Variants in TIGAR observed in about 807,000 individuals in gnomAD.
TIGAR encodes fructose-2,6-bisphosphatase TIGAR.
In TIGAR, 7 loss-of-function variants were observed where a neutral mutation model predicts 17.9. The observed-to-expected ratio is 0.39, with a 90% CI of 0.22 to 0.73. The LOEUF (loss-of-function observed/expected upper bound fraction) is 0.73, where lower values mean the gene tolerates loss of function less well. TIGAR is among the 30% of genes least tolerant of loss of function. The probability of loss-of-function intolerance (pLI) is 0.42; values close to 1 mark genes in which losing one functional copy is unlikely to be tolerated. For synonymous variants in TIGAR, 94 were observed against 108.6 expected (o/e 0.87, Z 0.84); for missense variants, 258 against 327.4 (o/e 0.79, Z 1.64).
At position 4,324,942 on chromosome 12, in the gene TIGAR, C is replaced by CTTTT. The variant is rs35996093; in HGVS notation, c.32+3650_32+3653dup. 66 of 190,532 alleles carry CTTTT rather than the reference C, an allele frequency of 3.5e-4. 1 individual carries two copies. The highest frequency in any genetic ancestry group is 7.0e-4 in the African/African-American group (28 of 40,078). The allele number at this position is 190,532 out of a possible 1,614,324, so 11.8% of individuals were successfully genotyped here. On this transcript the variant is annotated intron_variant, in intron 1 of 5. Transcript: ENST00000179259. ...AATTAGTAAAGTTTTTTTGTTTTTG[C>CTTTT]TTTTTTTTTTTTTTGACGAAACGGA...
intron 3 of TIGAR, among the ~76,000 whole-genome samples, chr12:4,343,462 A>G (rs1250829764): frequency 6.6e-6 from 1 of 152,228 alleles, no homozygotes; most frequent in Non-Finnish European, 1.5e-5. Context: ...ACTTATTCCA[A>G]AATTGACCAC....
At chr12:4,325,923 CCTT>C (rs1260578354) in intron 1 of TIGAR, among the ~76,000 whole-genome samples, 4 of 152,124 alleles carry the variant, frequency 2.6e-5, no homozygotes, top group African/African-American at 7.2e-5. Flanking sequence ...ATTTGTTCCT[CCTT>C]TGTAGCACGC....
intron 1 of TIGAR, among the ~76,000 whole-genome samples, chr12:4,330,996 C>G (rs905174165): frequency 6.6e-6 from 1 of 152,090 alleles, no homozygotes; most frequent in East Asian, 1.9e-4. Context: ...ATGTTATTTG[C>G]ATTATATTTT....
At chr12:4,349,094 T>A (rs1864810443) in intron 3 of TIGAR, among the ~76,000 whole-genome samples, 1 of 152,128 alleles carries the variant, frequency 6.6e-6, no homozygotes, top group South Asian at 2.1e-4. Flanking sequence ...AATTAAGGAA[T>A]TAGAATGGGG....
chr12:4,358,040 C>T lies in TIGAR; in HGVS notation c.*5349C>T, dbSNP rs1370808747. 6.7e-6 allele frequency among the ~76,000 whole-genome samples: 1 copy of T among 148,874 alleles called. No individual in the cohort carries two copies. Among genetic ancestry groups the T allele is most frequent in the Non-Finnish European group, 1.5e-5 (1 of 67,670 alleles). Reference sequence around the variant, plus strand: ...AATGGCGTGAACCCGGGAGGTGGAGCTTGCAGTGAGCCAAGGTCGCGCCAC... The same window carrying T: ...AATGGCGTGAACCCGGGAGGTGGAGTTTGCAGTGAGCCAAGGTCGCGCCAC... On this transcript the variant is annotated 3_prime_UTR_variant, in exon 6 of 6. Transcript: ENST00000179259.
rs1367326104 is a variant in TIGAR at position 4,352,791 on chromosome 12, T to G, written c.*100T>G. 2.7e-5 allele frequency: 32 copies of G among 1,200,462 alleles called. No homozygotes were observed. Among genetic ancestry groups the G allele is most frequent in the Non-Finnish European group, 3.4e-6 (3 of 877,274 alleles). 74.4% of individuals were successfully genotyped at this position (1,200,462 alleles called of 1,614,324 possible). A position where few individuals can be genotyped will look rare whatever the true frequency, so the allele number is the denominator to read the frequency against. On this transcript the variant is annotated 3_prime_UTR_variant, in exon 6 of 6. Coordinates refer to ENST00000179259, the MANE Select transcript of TIGAR (RefSeq NM_020375.3). The stretch of plus-strand genomic sequence containing the variant: ...TCTGCTAGTTCTGATTTGGAAACAG[T>G]TAAAAGCCAATTTTTAGCTCCAGTG...
rs750562779 is a variant in TIGAR, at chr12:4,321,269, A to G, written c.-3A>G. ...GCCACCGACGGGACGCGGCTCCGGG[A>G]ACATGGCTCGCTTCGCTCTGACTGT... On this transcript the variant is annotated 5_prime_UTR_variant, in exon 1 of 6. Transcript: ENST00000179259. This position sits in a 1 kb window ranked among gnomAD's most constrained non-coding sequence, Gnocchi z 5.2. The G allele has an allele frequency of 6.2e-7, 1 of 1,601,120 alleles. No homozygotes were observed. Among genetic ancestry groups the G allele is most frequent in the South Asian group, 1.1e-5 (1 of 91,082 alleles).
chr12:4,343,738 A>T (rs1864749751), intron 3 of TIGAR, among the ~76,000 whole-genome samples: 1 of 152,246 alleles, frequency 6.6e-6, no homozygotes, highest in African/African-American at 2.4e-5. Context: ...CAGTGTGTAG[A>T]GGGAAATTTA....
intron 2 of TIGAR, among the ~76,000 whole-genome samples, chr12:4,332,238 C>CTTTTCTTTTTT (rs1555092397): frequency 2.8e-4 from 27 of 95,334 alleles, no homozygotes; most frequent in African/African-American, 1.1e-3. Context: ...TCATGTATTT[C>CTTTTCTTTTTT]TTTTTTTTTT....
At chr12:4,323,159 G>GA (rs896094066) in intron 1 of TIGAR, among the ~76,000 whole-genome samples, 2 of 66,540 alleles carry the variant, frequency 3.0e-5, no homozygotes, top group Non-Finnish European at 7.9e-5. Context: ...CTAGCTAATA[G>GA]GGAGGCTGAG....
chr12:4,329,983 G>A lies in TIGAR; in HGVS notation c.33-1297G>A, dbSNP rs149136704. On this transcript the variant is annotated intron_variant, in intron 1 of 5. Coordinates refer to ENST00000179259, the MANE Select transcript of TIGAR (RefSeq NM_020375.3). ...GTAGGTAGATGGGGAATGGTACTGG[G>A]GAGGGAGACTACCTAAAAGAACCAG... 8.5e-4 allele frequency among the ~76,000 whole-genome samples: 130 copies of A among 152,266 alleles called. 1 individual carries two copies. The highest frequency in any genetic ancestry group is 3.1e-3 in the African/African-American group (127 of 41,548).
intron 4 of TIGAR, among the ~76,000 whole-genome samples, 199 bp downstream of exon 4, chr12:4,350,095 T>A (rs1274900247): frequency 6.6e-6 from 1 of 152,166 alleles, no homozygotes; most frequent in Non-Finnish European, 1.5e-5. Context: ...GAGACAAGCA[T>A]CTTAAGGTAT....
At position 4,358,049 on chromosome 12, in the gene TIGAR, A is replaced by C. The variant is rs1864928138; in HGVS notation, c.*5358A>C. Among the ~76,000 whole-genome samples, 1 of 148,830 alleles carries C rather than the reference A, an allele frequency of 6.7e-6. No homozygotes were observed. The highest frequency in any genetic ancestry group is 1.5e-5 in the Non-Finnish European group (1 of 67,662). ...AACCCGGGAGGTGGAGCTTGCAGTGAGCCAAGGTCGCGCCACTGCACTGCA... is the reference window on the plus strand; with the variant it reads ...AACCCGGGAGGTGGAGCTTGCAGTGCGCCAAGGTCGCGCCACTGCACTGCA... On this transcript the variant is annotated 3_prime_UTR_variant, in exon 6 of 6. Transcript: ENST00000179259.
intron 3 of TIGAR, among the ~76,000 whole-genome samples, chr12:4,341,617 C>T (rs949284331): frequency 6.6e-6 from 1 of 152,174 alleles, no homozygotes; most frequent in African/African-American, 2.4e-5. Flanking sequence ...CTGCTGATAC[C>T]CAGGCAAACA....
Position 4,357,947 on chromosome 12 carries a change from A to G in TIGAR, c.*5256A>G, listed in dbSNP as rs1864925650. Reference sequence around the variant, plus strand: ...TGAAACCTCGTCTCCACTGAAAAATAGAAAAAATTAGCCAGGCCTGGTGGC... The same window carrying G: ...TGAAACCTCGTCTCCACTGAAAAATGGAAAAAATTAGCCAGGCCTGGTGGC... On this transcript the variant is annotated 3_prime_UTR_variant, in exon 6 of 6. Coordinates refer to ENST00000179259, the MANE Select transcript of TIGAR (RefSeq NM_020375.3). Among the ~76,000 whole-genome samples, 1 of 151,682 alleles carries G rather than the reference A, an allele frequency of 6.6e-6. No individual in the cohort carries two copies. The highest frequency in any genetic ancestry group is 1.9e-4 in the East Asian group (1 of 5,146).
Position 4,359,132 on chromosome 12 carries a change from C to A in TIGAR, c.*6441C>A, listed in dbSNP as rs528297497. On this transcript the variant is annotated 3_prime_UTR_variant, in exon 6 of 6. Coordinates refer to ENST00000179259, the MANE Select transcript of TIGAR (RefSeq NM_020375.3). ...GTTTTTTTTTTCTTTAGCCAACTCA[C>A]GCCATGACTCTACTTTTGCTTCTAT... Among the ~76,000 whole-genome samples the A allele has an allele frequency of 7.4e-4, 112 of 151,236 alleles. No homozygotes were observed. Among genetic ancestry groups the A allele is most frequent in the Middle Eastern group, 3.4e-3 (1 of 294 alleles).
Position 4,352,448 on chromosome 12 carries a change from A to G in TIGAR, c.570A>G (p.Ala190=), listed in dbSNP as rs1185100857. The part of the protein sequence containing the change: ...VNSDSGIPGL[A]ASVLVVSHGA... ...CAGACAGCGGTATTCCAGGATTAGC[A>G]GCCAGTGTCTTAGTTGTGAGTCACG... is the stretch of plus-strand genomic sequence containing the variant. The change falls in exon 6 of 6, where the codon GCA becomes GCG. Residue 190 remains alanine (A), a synonymous_variant. Transcript: ENST00000179259. 1 of 1,614,178 alleles carries G rather than the reference A, an allele frequency of 6.2e-7. No individual in the cohort carries two copies. The highest frequency in any genetic ancestry group is 8.5e-7 in the Non-Finnish European group (1 of 1,180,038).
chr12:4,352,179 C>G (rs1591666429), intron 5 of TIGAR, 81 bp from the exon 6 acceptor site: 1 of 1,223,050 alleles, frequency 8.2e-7, no homozygotes, highest in East Asian at 2.4e-5. Context: ...AGAAAAAAAT[C>G]CAGTCAGTTA....
At chr12:4,341,880 G>A (rs566787813) in intron 3 of TIGAR, among the ~76,000 whole-genome samples, 2 of 152,368 alleles carry the variant, frequency 1.3e-5, no homozygotes, top group Non-Finnish European at 2.9e-5. Context: ...AACAAAGCTG[G>A]ACGGAGAATG....
Sources: allele counts gnomAD v4.1 joint callset (sites outside exome capture counted in the v4.1 genomes callset), GRCh38; gene constraint gnomAD v4.1.1; non-coding constraint Gnocchi (gnomAD v3.1); transcripts MANE v1.5; gene names NCBI Gene and HGNC (gene_info 2026-07-23, HGNC 2026-07-21).